HOXB2: variants seen among roughly 807,000 people sequenced by gnomAD.
The protein encoded by HOXB2 is homeobox B2, also known as homeobox protein Hox-B2.
A neutral mutation model predicts 13.1 loss-of-function variants in HOXB2; 14 were observed. The ratio of observed to expected loss-of-function variants is 1.07; its 90% CI spans 0.71 to 1.67. The LOEUF is 1.67. Ranked by LOEUF, HOXB2 falls within the 40% of genes most tolerant of loss-of-function variation. The pLI is 0.00. For missense variants in HOXB2, 582 were observed against 488.3 expected, an observed-to-expected ratio of 1.19 and a Z score of -1.81; for synonymous variants, 261 against 233.1, an observed-to-expected ratio of 1.12 and a Z score of -1.09.
rs150329872 is a variant in HOXB2 at position 48,543,540 on chromosome 17, C to T, written c.599G>A (p.Arg200Gln). Residue 200 changes from arginine to glutamine, a missense_variant, in exon 2 of 2, where the codon CGG becomes CAG. Physicochemically the swap from Arg to Gln is conservative, Grantham distance 43. Transcript: ENST00000330070. ...CGGCGGCTCTCGGTGCTGCGTCTGCCGCTTGTGCTTCATGCGCCGGTTCTG... is the reference window on the plus strand; with the variant it reads ...CGGCGGCTCTCGGTGCTGCGTCTGCTGCTTGTGCTTCATGCGCCGGTTCTG... ...WFQNRRMKHK[R>Q]QTQHREPPDG... 1.2e-6 allele frequency: 2 copies of T among 1,613,040 alleles called. No homozygotes were observed. The highest frequency in any genetic ancestry group is 1.7e-6 in the Non-Finnish European group (2 of 1,179,952).
At position 48,544,709 on chromosome 17, in the gene HOXB2, C is replaced by T; in HGVS notation, c.203G>A (p.Ser68Asn). 6.2e-7 allele frequency: 1 copy of T among 1,613,872 alleles called. No homozygotes were observed. Among genetic ancestry groups the T allele is most frequent in the Non-Finnish European group, 8.5e-7 (1 of 1,179,970 alleles). Residue 68 changes from serine (S) to asparagine (N), a missense_variant, in exon 1 of 2, where the codon AGC (serine) becomes AAC (asparagine). Coordinates refer to ENST00000330070, the MANE Select transcript of HOXB2 (RefSeq NM_002145.4). ...PGASTLQRPR[S>N]QKRAEDGPAL... Reference sequence around the variant, plus strand: ...AGGCCCATCTTCGGCTCGCTTTTGGCTCCTGGGTCTCTGAAGGGTGGAGGC... The same window carrying T: ...AGGCCCATCTTCGGCTCGCTTTTGGTTCCTGGGTCTCTGAAGGGTGGAGGC...
At position 48,543,098 on chromosome 17, in the gene HOXB2, C is replaced by A; in HGVS notation, c.1041G>T (p.Thr347=). 1.9e-6 allele frequency: 3 copies of A among 1,612,180 alleles called. No individual in the cohort carries two copies. Among genetic ancestry groups the A allele is most frequent in the South Asian group, 2.2e-5 (2 of 90,932 alleles). Residue 347 remains threonine (T), a synonymous_variant, in exon 2 of 2, where the codon ACG becomes ACT. Transcript: ENST00000330070. Reference sequence around the variant, plus strand: ...GAAACTGCAGGTCGATGGCACAGAGCGTACTGGTGAAAAAATCCAGCTCTT... The same window carrying A: ...GAAACTGCAGGTCGATGGCACAGAGAGTACTGGTGAAAAAATCCAGCTCTT... ...SEEELDFFTS[T]LCAIDLQFP
In HOXB2 at chr17:48,542,984, G is replaced by T; in HGVS notation, c.*84C>A. On this transcript the variant is annotated 3_prime_UTR_variant, in exon 2 of 2. Coordinates refer to ENST00000330070, the MANE Select transcript of HOXB2 (RefSeq NM_002145.4). The stretch of plus-strand genomic sequence containing the variant: ...ATTTTAGCAAAACACATAAGTCTAT[G>T]CGACTGAGGGTGGGAGAGGCTCGAT... 1 of 1,067,112 alleles carries T rather than the reference G, an allele frequency of 9.4e-7. No homozygotes were observed. The highest frequency in any genetic ancestry group is 1.4e-6 in the Non-Finnish European group (1 of 736,666). The allele number at this position is 1,067,112 out of a possible 1,614,324, so 66.1% of individuals were successfully genotyped here. A position where few individuals can be genotyped will look rare whatever the true frequency, so the allele number is the denominator to read the frequency against.
chr17:48,544,583 G>T lies in HOXB2; in HGVS notation c.329C>A (p.Ser110Tyr), dbSNP rs1160615654. 2 of 1,608,474 alleles carry T rather than the reference G, an allele frequency of 1.2e-6. No individual in the cohort carries two copies. The highest frequency in any genetic ancestry group is 1.7e-6 in the Non-Finnish European group (2 of 1,179,950). Residue 110 changes from serine (S) to tyrosine (Y), a missense_variant, in exon 1 of 2, where the codon TCC (serine) becomes TAC (tyrosine). Ser to Tyr is a moderately radical substitution (Grantham distance 144). Transcript: ENST00000330070. Reference protein sequence around the residue: ...EKKSAKKPSQSATSPSPAASA... With the variant: ...EKKSAKKPSQYATSPSPAASA... ...GGCGGCCGGAGAAGGAGACGTGGCG[G>T]ATTGGCTGGGTTTCTTGGCGGATTT...
chr17:48,542,735 A>G lies in HOXB2; in HGVS notation c.*333T>C, dbSNP rs995694931. 5.2e-6 allele frequency: 1 copy of G among 192,838 alleles called. No individual in the cohort carries two copies. The highest frequency in any genetic ancestry group is 1.0e-5 in the Non-Finnish European group (1 of 95,360). 11.9% of individuals were successfully genotyped at this position (192,838 alleles called of 1,614,324 possible). ...TTTCCCCTTTTCCTATTATTAAAGA[A>G]TTTTAATAAATAATCTACAGTCTAA... On this transcript the variant is annotated 3_prime_UTR_variant, in exon 2 of 2. Transcript: ENST00000330070.
chr17:48,543,946 AG>A, intron 1 of HOXB2, 199 bp from the exon 2 acceptor site: 3 of 1,350,758 alleles, frequency 2.2e-6, no homozygotes, highest in Non-Finnish European at 2.8e-6. Context: ...GGCCCGGGTC[AG>A]GGCAAAGCAT....
In HOXB2 at chr17:48,544,984, G is replaced by GCC; in HGVS notation, c.-74_-73insGG. ...GAGGATCGGAAGGGACCCCCCTCCT[G>GCC]CACCCCCCCCGATTTATGTAATGGA... On this transcript the variant is annotated 5_prime_UTR_variant, in exon 1 of 2. Coordinates refer to ENST00000330070, the MANE Select transcript of HOXB2 (RefSeq NM_002145.4). 2.4e-6 allele frequency: 3 copies of GCC among 1,255,496 alleles called. No individual in the cohort carries two copies. The highest frequency in any genetic ancestry group is 1.6e-5 in the South Asian group (1 of 63,026). The allele number at this position is 1,255,496 out of a possible 1,614,324, so 77.8% of individuals were successfully genotyped here.
chr17:48,544,260 C>T (rs2068542203), intron 1 of HOXB2: 1 of 1,366,826 alleles, frequency 7.3e-7, no homozygotes, highest in African/African-American at 1.5e-5. Context: ...TCATTTTCTT[C>T]TAGCAGAAAA....
intron 1 of HOXB2, chr17:48,544,218 CT>C: frequency 7.5e-7 from 1 of 1,339,660 alleles, no homozygotes; most frequent in East Asian, 3.0e-5. Context: ...ACTCATTCCC[CT>C]ACACAGATAC....
chr17:48,543,204 G>A lies in HOXB2; in HGVS notation c.935C>T (p.Ala312Val). ...PFLPDLNFFA[A>V]DSCLQLSGGL... Reference sequence around the variant, plus strand: ...TCCGGATAGCTGGAGACAGGAGTCGGCCGCGAAGAAGTTGAGGTCGGGAAG... The same window carrying A: ...TCCGGATAGCTGGAGACAGGAGTCGACCGCGAAGAAGTTGAGGTCGGGAAG... Residue 312 changes from alanine to valine, a missense_variant, in exon 2 of 2, where the codon GCC becomes GTC. Ala to Val is a moderately conservative substitution (Grantham distance 64, BLOSUM62 0). Coordinates refer to ENST00000330070, the MANE Select transcript of HOXB2 (RefSeq NM_002145.4). 1.2e-6 allele frequency: 2 copies of A among 1,613,780 alleles called. No individual in the cohort carries two copies. Among genetic ancestry groups the A allele is most frequent in the Non-Finnish European group, 1.7e-6 (2 of 1,180,010 alleles).
rs577340227 is a variant in HOXB2, at chr17:48,543,396, G to T, written c.743C>A (p.Pro248Gln). 1.3e-6 allele frequency: 2 copies of T among 1,584,014 alleles called. No homozygotes were observed. The highest frequency in any genetic ancestry group is 1.3e-5 in the African/African-American group (1 of 74,294). ...TAAGGCCCCCGGCACCACCTCCGGC[G>T]GGTGACAGCAGGCTTCCCACGCCGC... ...SRAAWEACCH[P>Q]PEVVPGALSA... Residue 248 changes from proline to glutamine, a missense_variant, in exon 2 of 2, where the codon CCG becomes CAG. Physicochemically the swap from Pro to Gln is moderately conservative, Grantham distance 76 (BLOSUM62 -1). Transcript: ENST00000330070.
At chr17:48,544,021 A>C in intron 1 of HOXB2, 8 of 1,242,668 alleles carry the variant, frequency 6.4e-6, no homozygotes, top group African/African-American at 1.6e-5. Context: ...GGAACCTCAG[A>C]TCCCCCTCCC....
At position 48,543,097 on chromosome 17, in the gene HOXB2, G is replaced by A; in HGVS notation, c.1042C>T (p.Leu348Phe). The change falls in exon 2 of 2, where the codon CTC becomes TTC. Residue 348 changes from leucine to phenylalanine, a missense_variant. Transcript: ENST00000330070. ...GGAAACTGCAGGTCGATGGCACAGA[G>A]CGTACTGGTGAAAAAATCCAGCTCT... is the stretch of plus-strand genomic sequence containing the variant. The part of the protein sequence containing the change: ...EEELDFFTST[L>F]CAIDLQFP 6.2e-7 allele frequency: 1 copy of A among 1,612,448 alleles called. No individual in the cohort carries two copies. Among genetic ancestry groups the A allele is most frequent in the Non-Finnish European group, 8.5e-7 (1 of 1,179,468 alleles).
At position 48,544,589 on chromosome 17, in the gene HOXB2, C is replaced by G. The variant is rs568725745; in HGVS notation, c.323G>C (p.Ser108Thr). The G allele has an allele frequency of 1.2e-5, 19 of 1,608,956 alleles. No homozygotes were observed. The highest frequency in any genetic ancestry group is 3.7e-4 in the Middle Eastern group (2 of 5,444). Residue 108 changes from serine (S) to threonine (T), a missense_variant, in exon 1 of 2, where the codon AGC (serine) becomes ACC (threonine). Transcript: ENST00000330070. Reference sequence around the variant, plus strand: ...CGGAGAAGGAGACGTGGCGGATTGGCTGGGTTTCTTGGCGGATTTCTTCTC... The same window carrying G: ...CGGAGAAGGAGACGTGGCGGATTGGGTGGGTTTCTTGGCGGATTTCTTCTC... ...MKEKKSAKKP[S>T]QSATSPSPAA...
At position 48,543,033 on chromosome 17, in the gene HOXB2, C is replaced by T. The variant is rs778767363; in HGVS notation, c.*35G>A. 4 of 1,520,480 alleles carry T rather than the reference C, an allele frequency of 2.6e-6. No individual in the cohort carries two copies. The Admixed American group carries it at 6.4e-5, about 24-fold the overall frequency. 94.2% of individuals were successfully genotyped at this position (1,520,480 alleles called of 1,614,324 possible). A position where few individuals can be genotyped will look rare whatever the true frequency, so the allele number is the denominator to read the frequency against. On this transcript the variant is annotated 3_prime_UTR_variant, in exon 2 of 2. Transcript: ENST00000330070. ...ATTTTTCCAGTAGACGGCCAAGGAG[C>T]GCGGGGGTCGAAAGGACCGGGAGGA...
In HOXB2 at chr17:48,543,234, G is replaced by A. The variant is rs751510659; in HGVS notation, c.905C>T (p.Pro302Leu). The change falls in exon 2 of 2, where the codon CCT (proline) becomes CTT (leucine). Residue 302 changes from proline to leucine, a missense_variant. Coordinates refer to ENST00000330070, the MANE Select transcript of HOXB2 (RefSeq NM_002145.4). The part of the protein sequence containing the change: ...EDVFSGRQDS[P>L]FLPDLNFFAA... ...GAAGAAGTTGAGGTCGGGAAGGAAA[G>A]GTGAATCCTGGCGCCCCGAGAAGAC... 5.0e-6 allele frequency: 8 copies of A among 1,612,734 alleles called. No homozygotes were observed. The highest frequency in any genetic ancestry group is 2.2e-5 in the South Asian group (2 of 91,066).
At chr17:48,543,867 C>T in intron 1 of HOXB2, 120 bp from the exon 2 acceptor site, 3 of 687,610 alleles carry the variant, frequency 4.4e-6, no homozygotes, top group Non-Finnish European at 7.0e-6. Context: ...CCCACCCCCG[C>T]CCCCACCCCA....
Position 48,544,851 on chromosome 17 carries a change from A to C in HOXB2, c.61T>G (p.Cys21Gly), listed in dbSNP as rs1006345054. 2 of 1,607,608 alleles carry C rather than the reference A, an allele frequency of 1.2e-6. No individual in the cohort carries two copies. Among genetic ancestry groups the C allele is most frequent in the African/African-American group, 2.7e-5 (2 of 73,482 alleles). ...FINSQPSLAECLTSFPAVLET... is the reference protein window; with the variant it reads ...FINSQPSLAEGLTSFPAVLET... ...AAGACAGCGGGGAAGGAAGTCAGACACTCGGCGAGCGACGGCTGGCTGTTT... is the reference window on the plus strand; with the variant it reads ...AAGACAGCGGGGAAGGAAGTCAGACCCTCGGCGAGCGACGGCTGGCTGTTT... Residue 21 changes from cysteine to glycine, a missense_variant, in exon 1 of 2, where the codon TGT becomes GGT. Transcript: ENST00000330070.
In HOXB2 at chr17:48,544,605, A is replaced by C. The variant is rs1166866514; in HGVS notation, c.307T>G (p.Ser103Ala). The C allele has an allele frequency of 2.5e-6, 4 of 1,608,390 alleles. No individual in the cohort carries two copies. Among genetic ancestry groups the C allele is most frequent in the Non-Finnish European group, 3.4e-6 (4 of 1,179,830 alleles). Residue 103 changes from serine to alanine, a missense_variant, in exon 1 of 2, where the codon TCC becomes GCC. By Grantham distance (99) the Ser-to-Ala change is moderately conservative. Transcript: ENST00000330070. ...PEFPWMKEKKSAKKPSQSATS... is the reference protein window; with the variant it reads ...PEFPWMKEKKAAKKPSQSATS... Reference sequence around the variant, plus strand: ...GCGGATTGGCTGGGTTTCTTGGCGGATTTCTTCTCTTTCATCCAAGGGAAC... The same window carrying C: ...GCGGATTGGCTGGGTTTCTTGGCGGCTTTCTTCTCTTTCATCCAAGGGAAC...
Sources: allele counts gnomAD v4.1 joint callset, GRCh38; gene constraint gnomAD v4.1.1; transcripts MANE v1.5; gene names NCBI Gene and HGNC (gene_info 2026-07-23, HGNC 2026-07-21).